Variants in PCDH11X observed in about 807,000 individuals in gnomAD.
PCDH11X encodes protocadherin 11 X-linked.
Under a neutral mutation model 53.3 loss-of-function variants are expected in PCDH11X, and 18 were observed. That is an observed-to-expected ratio of 0.34 (90% CI 0.23 to 0.50). PCDH11X has a LOEUF of 0.50. Among genes scored for constraint, PCDH11X ranks in the 20% least tolerant of loss-of-function variants. The pLI, the probability that PCDH11X is intolerant of heterozygous loss-of-function variation, is 0.98. For synonymous variants in PCDH11X, 279 were observed against 393.3 expected (o/e 0.71, Z 3.44); for missense variants, 570 against 1,032.4 (o/e 0.55, Z 6.14).
intron 10 of PCDH11X, among the ~76,000 whole-genome samples, chrX:92,614,693 A>G (rs1927781142): frequency 9.3e-6 from 1 of 107,986 alleles, no homozygotes; most frequent in Non-Finnish European, 1.9e-5. Context: ...TCAGGCACAA[A>G]CACCAGCACT....
At chrX:92,412,506 ATAGT>A (rs1441866569) in intron 9 of PCDH11X, among the ~76,000 whole-genome samples, 1 of 55,974 alleles carries the variant, frequency 1.8e-5, no homozygotes, top group Non-Finnish European at 3.0e-5. Context: ...AATAAAGAAA[ATAGT>A]ATATATATAT....
intron 9 of PCDH11X, among the ~76,000 whole-genome samples, chrX:92,419,183 A>G (rs1409887781): frequency 1.9e-5 from 2 of 106,416 alleles, no homozygotes; most frequent in African/African-American, 3.4e-5. Flanking sequence ...TGATATTAAT[A>G]TAGTCATTTC....
chrX:92,067,443 T>C (rs1257835104), intron 6 of PCDH11X, among the ~76,000 whole-genome samples: 1 of 111,936 alleles, frequency 8.9e-6, no homozygotes, highest in Admixed American at 9.5e-5. Context: ...CTTAATTCTG[T>C]CGATATGACA....
intron 6 of PCDH11X, among the ~76,000 whole-genome samples, chrX:91,892,534 C>A (rs758325087): frequency 9.0e-6 from 1 of 111,035 alleles, no homozygotes; most frequent in African/African-American, 3.3e-5. Flanking sequence ...TCTGCTACCC[C>A]CTCTTCCCTG....
chrX:92,492,366 A>G (rs1481070282), intron 10 of PCDH11X, among the ~76,000 whole-genome samples: 4 of 111,903 alleles, frequency 3.6e-5, no homozygotes, highest in East Asian at 2.8e-4. Context: ...CTGTAATTCA[A>G]TTAGTTTGAA....
chrX:92,206,547 A>T (rs1183031638), intron 7 of PCDH11X, among the ~76,000 whole-genome samples: 2 of 109,802 alleles, frequency 1.8e-5, no homozygotes, highest in African/African-American at 6.6e-5. Flanking sequence ...TTTTTTTGAG[A>T]TGGAGTTTTG....
intron 6 of PCDH11X, among the ~76,000 whole-genome samples, chrX:91,983,772 C>A (rs1469080797): frequency 9.0e-6 from 1 of 110,755 alleles, no homozygotes; most frequent in African/African-American, 3.3e-5. Flanking sequence ...AGAGCCAAAC[C>A]ATATCAACCA....
intron 2 of PCDH11X, among the ~76,000 whole-genome samples, 156 bp downstream of exon 2, chrX:91,809,790 A>G (rs1211857709): frequency 9.1e-6 from 1 of 110,105 alleles, no homozygotes; most frequent in Admixed American, 9.8e-5. Context: ...AGAAAGTTCT[A>G]TTGGATAGTA....
At chrX:92,463,773 T>A (rs1251106144) in intron 9 of PCDH11X, among the ~76,000 whole-genome samples, 1 of 110,884 alleles carries the variant, frequency 9.0e-6, no homozygotes, top group Non-Finnish European at 1.9e-5. Flanking sequence ...TGCAAAGATT[T>A]CCCTTGAATA....
chrX:92,539,939 G>C (rs2074728713), intron 10 of PCDH11X, among the ~76,000 whole-genome samples: 1 of 111,028 alleles, frequency 9.0e-6, no homozygotes, highest in Non-Finnish European at 1.9e-5. Context: ...GAGCCACCTG[G>C]AACTGTGGGC....
chrX:92,210,974 T>C (rs1232541070), intron 7 of PCDH11X, among the ~76,000 whole-genome samples: 2 of 111,802 alleles, frequency 1.8e-5, no homozygotes, highest in Non-Finnish European at 3.8e-5. Context: ...TCTTCCTGTC[T>C]TCTTCCGAGC....
intron 7 of PCDH11X, among the ~76,000 whole-genome samples, chrX:92,209,110 G>T (rs1312389158): frequency 9.0e-6 from 1 of 111,151 alleles, no homozygotes; most frequent in African/African-American, 3.3e-5. Flanking sequence ...ATTTGGGTGA[G>T]CACACAGAGC....
At chrX:92,506,029 C>G (rs1219974420) in intron 10 of PCDH11X, among the ~76,000 whole-genome samples, 3 of 110,328 alleles carry the variant, frequency 2.7e-5, no homozygotes, top group Non-Finnish European at 5.7e-5. Context: ...TGAAACTTTG[C>G]TGAAGATATT....
At chrX:92,512,378 G>T (rs2074177268) in intron 10 of PCDH11X, among the ~76,000 whole-genome samples, 2 of 111,414 alleles carry the variant, frequency 1.8e-5, no homozygotes, top group Non-Finnish European at 3.8e-5. Context: ...TATTAATACT[G>T]GGAACTATTT....
chrX:91,997,933 C>T (rs1204968581), intron 6 of PCDH11X, among the ~76,000 whole-genome samples: 2 of 106,698 alleles, frequency 1.9e-5, no homozygotes, highest in South Asian at 4.2e-4. Flanking sequence ...TTTCTTTTCT[C>T]GTTTCTTTTT....
intron 10 of PCDH11X, among the ~76,000 whole-genome samples, chrX:92,597,476 T>A (rs759424560): frequency 9.1e-6 from 1 of 110,490 alleles, no homozygotes; most frequent in South Asian, 3.8e-4. Flanking sequence ...ACCAAAGAAG[T>A]AAAAGATCGC....
At chrX:92,568,286 G>A (rs1302883156) in intron 10 of PCDH11X, among the ~76,000 whole-genome samples, 2 of 109,798 alleles carry the variant, frequency 1.8e-5, no homozygotes, top group Non-Finnish European at 3.8e-5. Flanking sequence ...GCCCGGCGTG[G>A]TGGCGGGCGC....
intron 9 of PCDH11X, among the ~76,000 whole-genome samples, chrX:92,447,206 T>C (rs1381676636): frequency 8.9e-6 from 1 of 111,734 alleles, no homozygotes; most frequent in African/African-American, 3.3e-5. Flanking sequence ...TGAGGAGAAA[T>C]GAAAGCCAAT....
chrX:92,051,742 G>T (rs941281736), intron 6 of PCDH11X, among the ~76,000 whole-genome samples: 7 of 111,239 alleles, frequency 6.3e-5, no homozygotes, highest in African/African-American at 2.0e-4. Flanking sequence ...GTGAGAGCCT[G>T]GGTAAATAAC....
Sources: allele counts gnomAD v4.1 joint callset (sites outside exome capture counted in the v4.1 genomes callset), GRCh38; gene constraint gnomAD v4.1.1; transcripts MANE v1.5; gene names NCBI Gene and HGNC (gene_info 2026-07-23, HGNC 2026-07-21).